ELL2: variants seen among roughly 807,000 people sequenced by gnomAD.
The protein encoded by ELL2 is RNA polymerase II elongation factor ELL2.
A neutral mutation model predicts 72.8 loss-of-function variants in ELL2; 21 were observed. That is an observed-to-expected ratio of 0.29 (90% CI 0.20 to 0.42). The LOEUF (loss-of-function observed/expected upper bound fraction) is 0.42. Ranked by LOEUF, ELL2 falls within the 10% of genes least tolerant of loss-of-function variation. The pLI is 1.00. For missense variants in ELL2, 568 were observed against 772.8 expected, an observed-to-expected ratio of 0.73 and a Z score of 3.14; for synonymous variants, 266 against 283.2, an observed-to-expected ratio of 0.94 and a Z score of 0.61.
intron 2 of ELL2, among the ~76,000 whole-genome samples, chr5:95,929,229 G>A (rs1049064309): frequency 8.6e-5 from 13 of 150,440 alleles, no homozygotes; most frequent in Admixed American, 1.3e-4. Context: ...CAGACTGTGA[G>A]TTCTTTGGAG....
At chr5:95,924,579 G>A (rs1374174646) in intron 2 of ELL2, among the ~76,000 whole-genome samples, 1 of 152,092 alleles carries the variant, frequency 6.6e-6, no homozygotes, top group Non-Finnish European at 1.5e-5. Context: ...GTATTAAAAT[G>A]CTGTGATTCC....
chr5:95,935,593 G>A (rs1750746124), intron 2 of ELL2, among the ~76,000 whole-genome samples: 1 of 151,998 alleles, frequency 6.6e-6, no homozygotes, highest in South Asian at 2.1e-4. Context: ...GTTGCTTTTT[G>A]AAAATCCTTT....
chr5:95,917,480 A>G (rs1420328713), intron 3 of ELL2, among the ~76,000 whole-genome samples: 2 of 152,198 alleles, frequency 1.3e-5, no homozygotes, highest in African/African-American at 4.8e-5. Flanking sequence ...GGTCAGAGAG[A>G]AAAGATCCAT....
chr5:95,891,930 C>G (rs1026006927), intron 9 of ELL2, among the ~76,000 whole-genome samples: 2 of 152,170 alleles, frequency 1.3e-5, no homozygotes, highest in Non-Finnish European at 2.9e-5. Context: ...TTCTCTAGTT[C>G]TTTTCAAACA....
chr5:95,961,509 G>T, intron 1 of ELL2, 66 bp downstream of exon 1: 1 of 1,373,232 alleles, frequency 7.3e-7, no homozygotes, highest in Non-Finnish European at 9.4e-7. Flanking sequence ...CCGCACCCGG[G>T]CGCGGCCAGG....
chr5:95,932,964 G>A (rs569429341), intron 2 of ELL2, among the ~76,000 whole-genome samples: 1 of 152,246 alleles, frequency 6.6e-6, no homozygotes, highest in South Asian at 2.1e-4. Flanking sequence ...ACCACTCCTA[G>A]CAATACCAGA....
intron 1 of ELL2, among the ~76,000 whole-genome samples, chr5:95,959,327 CG>C (rs1751727753): frequency 6.6e-6 from 1 of 152,180 alleles, no homozygotes; most frequent in South Asian, 2.1e-4. Flanking sequence ...CTCTGCTCCT[CG>C]GGTCTGCTCC....
intron 2 of ELL2, among the ~76,000 whole-genome samples, chr5:95,942,519 C>G (rs983947763): frequency 6.6e-6 from 1 of 152,018 alleles, no homozygotes; most frequent in African/African-American, 2.4e-5. Context: ...ATAAAATACA[C>G]AGAAAACTTT....
rs191558412 is a variant in ELL2, at chr5:95,934,666, T to C, written c.195+8336A>G. On this transcript the variant is annotated intron_variant, in intron 2 of 11. Transcript: ENST00000237853. ...ATGACAAAGCAACTCTATCAAGTAG[T>C]TGACTACCAAGATATTAGCTGGTGT... Among the ~76,000 whole-genome samples, 313 of 152,314 alleles carry C rather than the reference T, an allele frequency of 2.1e-3. 1 individual carries two copies. The highest frequency in any genetic ancestry group is 7.3e-3 in the African/African-American group (305 of 41,568).
intron 5 of ELL2, among the ~76,000 whole-genome samples, chr5:95,904,460 C>T (rs1160990510): frequency 6.6e-6 from 1 of 152,166 alleles, no homozygotes; most frequent in African/African-American, 2.4e-5. Context: ...AACAGCAATA[C>T]ACAAATTTCC....
At chr5:95,921,887 G>A (rs563304503) in intron 2 of ELL2, among the ~76,000 whole-genome samples, 40 of 152,260 alleles carry the variant, frequency 2.6e-4, no homozygotes, top group Middle Eastern at 3.4e-3. Flanking sequence ...CCTGGTTGGA[G>A]AAATTTTAAA....
At chr5:95,925,603 G>A (rs1056276056) in intron 2 of ELL2, among the ~76,000 whole-genome samples, 1 of 152,186 alleles carries the variant, frequency 6.6e-6, no homozygotes, top group African/African-American at 2.4e-5. Context: ...ATGAAAAGGT[G>A]GATTAATGCC....
At chr5:95,898,035 T>C (rs1748940001) in intron 8 of ELL2, among the ~76,000 whole-genome samples, 1 of 141,624 alleles carries the variant, frequency 7.1e-6, no homozygotes, top group Admixed American at 7.3e-5. Flanking sequence ...CTTATTAATA[T>C]AGAAATCATG....
chr5:95,931,821 A>AAAAAAAAAAAAT (rs10627429), intron 2 of ELL2, among the ~76,000 whole-genome samples: 1 of 149,866 alleles, frequency 6.7e-6, no homozygotes, highest in South Asian at 2.1e-4. Context: ...AAAAAAAAAA[A>AAAAAAAAAAAAT]TACTGCTTTC....
rs1188919203 is a variant in ELL2, at chr5:95,888,812, T to C, written c.*59A>G. 32 of 1,253,262 alleles carry C rather than the reference T, an allele frequency of 2.6e-5. No homozygotes were observed. Among genetic ancestry groups the C allele is most frequent in the Non-Finnish European group, 3.5e-5 (32 of 906,610 alleles). 77.6% of individuals were successfully genotyped at this position (1,253,262 alleles called of 1,614,324 possible). A position where few individuals can be genotyped will look rare whatever the true frequency, so the allele number is the denominator to read the frequency against. On this transcript the variant is annotated 3_prime_UTR_variant, in exon 12 of 12. Coordinates refer to ENST00000237853, the MANE Select transcript of ELL2 (RefSeq NM_012081.6). ...CCTTTTTAGAATCTAGAGCAACTCA[T>C]TTGGAATTTTAAATAAATAAGCTTA...
chr5:95,896,999 C>G (rs1448458531), intron 8 of ELL2, among the ~76,000 whole-genome samples: 1 of 152,172 alleles, frequency 6.6e-6, no homozygotes, highest in Non-Finnish European at 1.5e-5. Flanking sequence ...CCTGACCTGA[C>G]AAATTCAACT....
At position 95,905,235 on chromosome 5, in the gene ELL2, G is replaced by GTGCA. The variant is rs755650563; in HGVS notation, c.741+1287_741+1288insTGCA. ...AAAGTTTATCTACACTTTGAGATAC[G>GTGCA]CGCACACACACACACACACGTATAT... is the stretch of plus-strand genomic sequence containing the variant. On this transcript the variant is annotated intron_variant, in intron 5 of 11. Coordinates refer to ENST00000237853, the MANE Select transcript of ELL2 (RefSeq NM_012081.6). Among the ~76,000 whole-genome samples, 306 of 138,030 alleles carry GTGCA rather than the reference G, an allele frequency of 2.2e-3. 1 individual carries two copies. Among genetic ancestry groups the GTGCA allele is most frequent in the African/African-American group, 8.0e-3 (287 of 36,024 alleles). 90.6% of individuals were successfully genotyped at this position (138,030 alleles called of 152,430 possible).
intron 2 of ELL2, among the ~76,000 whole-genome samples, chr5:95,924,237 T>G (rs1250792179): frequency 6.6e-6 from 1 of 152,220 alleles, no homozygotes; most frequent in Non-Finnish European, 1.5e-5. Flanking sequence ...ATCTACACAG[T>G]TCTTTTTTCC....
In ELL2 at chr5:95,903,769, A is replaced by G. The variant is rs1479883242; in HGVS notation, c.742-2689T>C. ...TACATATAACTATCTACTGACATCT[A>G]TCTCCACTTGGATATGTCTAATAGA... On this transcript the variant is annotated intron_variant, in intron 5 of 11. Coordinates refer to ENST00000237853, the MANE Select transcript of ELL2 (RefSeq NM_012081.6). Among the ~76,000 whole-genome samples the G allele has an allele frequency of 3.9e-5, 6 of 152,176 alleles. No individual in the cohort carries two copies. The East Asian group carries it at 5.8e-4, about 15-fold the overall frequency.
Sources: gnomAD v4.1 joint callset for allele counts (sites outside exome capture counted in the v4.1 genomes callset) on GRCh38, gnomAD v4.1.1 for gene constraint, MANE v1.5 for transcripts, NCBI Gene and HGNC (gene_info 2026-07-23, HGNC 2026-07-21) for gene names.